The following ADGRD1 variants were observed in gnomAD, a reference collection of about 807,000 sequenced individuals.
ADGRD1 encodes G-protein coupled receptor 133.
A neutral mutation model predicts 113.4 loss-of-function variants in ADGRD1; 77 were observed. That is an observed-to-expected ratio of 0.68 (90% CI 0.57 to 0.82). The LOEUF (loss-of-function observed/expected upper bound fraction) is 0.82. Ranked by LOEUF, ADGRD1 falls within the 40% of genes least tolerant of loss-of-function variation. The pLI is 0.00. For missense variants in ADGRD1, 1,036 were observed against 1,139.1 expected, an observed-to-expected ratio of 0.91 and a Z score of 1.30; for synonymous variants, 474 against 475.0, an observed-to-expected ratio of 1.00 and a Z score of 0.03.
intron 20 of ADGRD1, among the ~76,000 whole-genome samples, chr12:131,129,616 C>T (rs1302166686): frequency 1.3e-5 from 2 of 152,170 alleles, no homozygotes; most frequent in Non-Finnish European, 2.9e-5. Flanking sequence ...ATAGAAATCC[C>T]TCAAGGGAAA....
chr12:131,030,032 C>G lies in ADGRD1; in HGVS notation c.1473+15692C>G, dbSNP rs1463279518. 5.9e-4 allele frequency among the ~76,000 whole-genome samples: 82 copies of G among 137,854 alleles called. 1 individual carries two copies. Among genetic ancestry groups the G allele is most frequent in the African/African-American group, 1.7e-3 (56 of 33,824 alleles). The allele number at this position is 137,854 out of a possible 152,430, so 90.4% of individuals were successfully genotyped here. ...GGCTCTGGGGTTAGGATGTGGACCC[C>G]TCTTATGGTGACATTTCCAGGCTCT... On this transcript the variant is annotated intron_variant, in intron 13 of 24. Coordinates refer to ENST00000261654, the MANE Select transcript of ADGRD1 (RefSeq NM_198827.5).
chr12:131,123,039 G>GTTTTTTTTTTTTTTTTTTTTTTTTTTT (rs552353187), intron 20 of ADGRD1, among the ~76,000 whole-genome samples: 13 of 51,370 alleles, frequency 2.5e-4, no homozygotes, highest in Admixed American at 7.0e-4. Flanking sequence ...TACCTGGGGA[G>GTTTTTTTTTTTTTTTTTTTTTTTTTTT]TTTTTTTTTT....
chr12:130,955,882 G>A (rs1189175876), intron 2 of ADGRD1, among the ~76,000 whole-genome samples: 6 of 152,158 alleles, frequency 3.9e-5, no homozygotes, highest in African/African-American at 4.8e-5. Flanking sequence ...TCTGCCTCCC[G>A]GGTTCAAGCG....
At chr12:131,055,115 T>C (rs7301892) in intron 13 of ADGRD1, among the ~76,000 whole-genome samples, 79,685 of 152,100 alleles carry the variant, frequency 0.52, 24,546 homozygotes, top group East Asian at 0.88. Context: ...TACGCTTAAT[T>C]TGTGGAGGGA....
intron 23 of ADGRD1, 157 bp downstream of exon 23, chr12:131,137,171 C>A (rs926021465): frequency 2.9e-6 from 2 of 680,756 alleles, no homozygotes; most frequent in Middle Eastern, 3.8e-4. Context: ...TGCCCTGGGG[C>A]CTGCTGCTGA....
At chr12:130,991,190 C>A in intron 7 of ADGRD1, 112 bp downstream of exon 7, 1 of 788,742 alleles carries the variant, frequency 1.3e-6, no homozygotes, top group Non-Finnish European at 2.1e-6. Flanking sequence ...ATCGGCAGTA[C>A]ATTGTCTGGG....
At chr12:131,105,559 G>A (rs1329859144) in intron 16 of ADGRD1, among the ~76,000 whole-genome samples, 195 bp from the exon 17 acceptor site, 1 of 152,150 alleles carries the variant, frequency 6.6e-6, no homozygotes, top group African/African-American at 2.4e-5. Context: ...GTGTAGGGCT[G>A]TGTGGGCATG....
chr12:131,113,058 G>A lies in ADGRD1; in HGVS notation c.2041+4181G>A, dbSNP rs1159881975. Among the ~76,000 whole-genome samples the A allele has an allele frequency of 6.6e-6, 1 of 152,184 alleles. No homozygotes were observed. Among genetic ancestry groups the A allele is most frequent in the African/African-American group, 2.4e-5 (1 of 41,438 alleles). ...CCGTAGCCCTGGACTGGGAGCTGGA[G>A]GGAGTGGAGCCCTGTCTTCTTGCCC... is the stretch of plus-strand genomic sequence containing the variant. On this transcript the variant is annotated intron_variant, in intron 18 of 24. Coordinates refer to ENST00000261654, the MANE Select transcript of ADGRD1 (RefSeq NM_198827.5). The surrounding 1 kb of genome is among the most constrained non-coding windows in gnomAD (Gnocchi z 4.9).
intron 13 of ADGRD1, chr12:131,070,597 G>A (rs553645956): frequency 2.1e-4 from 58 of 282,464 alleles, no homozygotes; most frequent in African/African-American, 1.3e-3. Context: ...CGGGGACTCG[G>A]TGCGGGAGAC....
At chr12:131,017,995 A>G (rs889908127) in intron 13 of ADGRD1, among the ~76,000 whole-genome samples, 23 of 152,180 alleles carry the variant, frequency 1.5e-4, no homozygotes, top group African/African-American at 5.3e-4. Context: ...ATATGTGCAC[A>G]TACCCAGCCT....
intron 13 of ADGRD1, among the ~76,000 whole-genome samples, chr12:131,031,410 A>G (rs916434642): frequency 3.3e-5 from 5 of 152,128 alleles, no homozygotes; most frequent in Admixed American, 3.3e-4. Context: ...GAATGGGGTG[A>G]GTTCTGACCT....
At chr12:131,092,048 G>A (rs7311928) in intron 15 of ADGRD1, 67,227 of 152,094 alleles carry the variant, frequency 0.44, 15,085 homozygotes, top group South Asian at 0.52. Flanking sequence ...CCACATGCGT[G>A]CTGGTTTAGT....
chr12:130,996,257 T>C (rs1460714329), intron 8 of ADGRD1, among the ~76,000 whole-genome samples: 1 of 144,878 alleles, frequency 6.9e-6, no homozygotes, highest in Non-Finnish European at 1.5e-5. Context: ...AAAGCCGCGA[T>C]TGTCATCCTG....
intron 18 of ADGRD1, among the ~76,000 whole-genome samples, chr12:131,116,471 CTGATGTTTGG>C (rs1025003562): frequency 2.1e-4 from 30 of 142,254 alleles, no homozygotes; most frequent in African/African-American, 9.4e-4. Flanking sequence ...AACCCAAACC[CTGATGTTTGG>C]AAGGGCAGGC....
At chr12:131,139,129 G>C in intron 24 of ADGRD1, 39 bp from the exon 25 acceptor site, 1 of 1,523,884 alleles carries the variant, frequency 6.6e-7, no homozygotes, top group East Asian at 2.3e-5. Context: ...CTCCCCCTGG[G>C]AGCAGGCCCT....
chr12:131,009,769 T>C (rs538497881), intron 12 of ADGRD1, among the ~76,000 whole-genome samples: 1 of 152,220 alleles, frequency 6.6e-6, no homozygotes, highest in East Asian at 1.9e-4. Flanking sequence ...GTGTGTGCAT[T>C]TGTGTGTTGT....
At chr12:131,119,731 G>A (rs1042957639) in intron 19 of ADGRD1, among the ~76,000 whole-genome samples, 5 of 152,174 alleles carry the variant, frequency 3.3e-5, no homozygotes, top group South Asian at 2.1e-4. Flanking sequence ...GGTTTGAATC[G>A]CACCTTTGCA....
intron 9 of ADGRD1, chr12:131,002,607 G>C: frequency 9.4e-7 from 1 of 1,062,068 alleles, no homozygotes; most frequent in Non-Finnish European, 1.1e-6. Flanking sequence ...AGGGCCCCCT[G>C]CTTTCTTGGG....
At chr12:131,118,657 G>A (rs548231939) in intron 19 of ADGRD1, among the ~76,000 whole-genome samples, 1 of 152,214 alleles carries the variant, frequency 6.6e-6, no homozygotes, top group African/African-American at 2.4e-5. Context: ...TGGGGCCTCG[G>A]AACTAGCAAC....
Sources: gnomAD v4.1 joint callset for allele counts (sites outside exome capture counted in the v4.1 genomes callset) on GRCh38, gnomAD v4.1.1 for gene constraint, Gnocchi (gnomAD v3.1) non-coding constraint, MANE v1.5 for transcripts, NCBI Gene and HGNC (gene_info 2026-07-23, HGNC 2026-07-21) for gene names.